Variants in SCARB2 observed in about 807,000 individuals in gnomAD.
SCARB2 encodes the protein lysosome membrane protein 2.
In SCARB2, 29 loss-of-function variants were observed where a neutral mutation model predicts 58.6. That is an observed-to-expected ratio of 0.49 (90% CI 0.37 to 0.67). The LOEUF (loss-of-function observed/expected upper bound fraction) is 0.67. SCARB2 is among the 30% of genes least tolerant of loss of function. The pLI is 0.00. For missense variants in SCARB2, 488 were observed against 578.5 expected (o/e 0.84, Z 1.60); for synonymous variants, 195 against 210.1 (o/e 0.93, Z 0.62).
intron 1 of SCARB2, among the ~76,000 whole-genome samples, chr4:76,225,817 A>G (rs1302022306): frequency 6.6e-6 from 1 of 152,044 alleles, no homozygotes; most frequent in Non-Finnish European, 1.5e-5. Flanking sequence ...TTTTGTTTCC[A>G]TGTTCATCAG....
intron 4 of SCARB2, among the ~76,000 whole-genome samples, chr4:76,178,602 A>G (rs192907480): frequency 2.5e-3 from 383 of 152,284 alleles, no homozygotes; most frequent in African/African-American, 8.4e-3. Context: ...AGGGCTTGAC[A>G]GGAAATCTGT....
intron 1 of SCARB2, among the ~76,000 whole-genome samples, chr4:76,225,190 C>T (rs1316994969): frequency 6.6e-6 from 1 of 152,172 alleles, no homozygotes; most frequent in Admixed American, 6.5e-5. Context: ...CACTCGCACT[C>T]GTTGGCACTT....
intron 3 of SCARB2, 70 bp from the exon 4 acceptor site, chr4:76,179,775 C>T: frequency 2.6e-6 from 3 of 1,161,948 alleles, no homozygotes; most frequent in Non-Finnish European, 3.9e-6. Context: ...TCTCCTACTA[C>T]CCCATAGCAA....
chr4:76,178,476 T>C (rs1353830527), intron 4 of SCARB2, among the ~76,000 whole-genome samples: 1 of 152,218 alleles, frequency 6.6e-6, no homozygotes, highest in East Asian at 1.9e-4. Context: ...AGCAACAAGA[T>C]CTACTTGGCT....
At chr4:76,227,754 C>A (rs1475436757) in intron 1 of SCARB2, among the ~76,000 whole-genome samples, 1 of 152,190 alleles carries the variant, frequency 6.6e-6, no homozygotes. Flanking sequence ...TCCTGTTGGA[C>A]TGATCCTCTT....
At position 76,211,526 on chromosome 4, in the gene SCARB2, A is replaced by G. The variant is rs368732140; in HGVS notation, c.117+1901T>C. Among the ~76,000 whole-genome samples, 17 of 152,376 alleles carry G rather than the reference A, an allele frequency of 1.1e-4. 1 individual carries two copies. Among genetic ancestry groups the G allele is most frequent in the African/African-American group, 4.1e-4 (17 of 41,596 alleles). ...CCCAGAAAGATCACACCTTAAGGTT[A>G]TAAGAATTATTTGACAAAGCAGATG... On this transcript the variant is annotated intron_variant, in intron 1 of 11. Coordinates refer to ENST00000264896, the MANE Select transcript of SCARB2 (RefSeq NM_005506.4).
chr4:76,167,684 CT>C (rs60843260), intron 9 of SCARB2, among the ~76,000 whole-genome samples: 85 of 91,306 alleles, frequency 9.3e-4, no homozygotes, highest in African/African-American at 2.6e-3. Context: ...CCCCCCCCCG[CT>C]TTTTTTTTTT....
intron 2 of SCARB2, among the ~76,000 whole-genome samples, chr4:76,188,992 G>A (rs1732544882): frequency 6.6e-6 from 1 of 152,144 alleles, no homozygotes. Context: ...CGGCTATTAG[G>A]TGGGTGCAAA....
At chr4:76,233,764 C>CA (rs1373298274) in intron 1 of SCARB2, among the ~76,000 whole-genome samples, 2 of 152,144 alleles carry the variant, frequency 1.3e-5, no homozygotes, top group Admixed American at 1.3e-4. Context: ...AAAGCCCTAT[C>CA]AAGCAGTTAC....
At chr4:76,208,739 C>G (rs966943248) in intron 1 of SCARB2, among the ~76,000 whole-genome samples, 2 of 151,776 alleles carry the variant, frequency 1.3e-5, no homozygotes, top group African/African-American at 4.8e-5. Context: ...TTTACAGAAA[C>G]AAAAAAAAGA....
chr4:76,169,341 C>CACACACACACACACACACATAT (rs3217498), intron 8 of SCARB2, among the ~76,000 whole-genome samples: 102 of 151,238 alleles, frequency 6.7e-4, no homozygotes, highest in African/African-American at 2.3e-3. Context: ...CACACACACA[C>CACACACACACACACACACATAT]GTGTGTATGT....
At chr4:76,167,705 C>T (rs139557635) in intron 9 of SCARB2, among the ~76,000 whole-genome samples, 2,464 of 109,332 alleles carry the variant, frequency 0.023, 106 homozygotes, top group African/African-American at 0.083. Flanking sequence ...TTTCCTGAGA[C>T]ACAGTCTTGC....
Position 76,169,953 on chromosome 4 carries a change from A to C in SCARB2, c.1027T>G (p.Tyr343Asp). The C allele has an allele frequency of 1.9e-6, 3 of 1,614,032 alleles. No individual in the cohort carries two copies. Among genetic ancestry groups the C allele is most frequent in the Non-Finnish European group, 1.7e-6 (2 of 1,179,946 alleles). Residue 343 changes from tyrosine to aspartate, a missense_variant, in exon 8 of 12, where the codon TAC (tyrosine) becomes GAC (aspartate). Transcript: ENST00000264896. ...GAAACAAACCTCTCATCTGCTTGGT[A>C]AAAGTGTGGGAAAGACATAATGATG... ...APIIMSFPHF[Y>D]QADERFVSAI... is the part of the protein sequence containing the mutation.
chr4:76,181,862 G>A (rs565110719), intron 2 of SCARB2, among the ~76,000 whole-genome samples: 5 of 152,012 alleles, frequency 3.3e-5, no homozygotes, highest in East Asian at 3.9e-4. Context: ...TACCACACCC[G>A]GTCTCTGTTT....
chr4:76,186,050 G>C (rs547613368), intron 2 of SCARB2, among the ~76,000 whole-genome samples: 2 of 152,214 alleles, frequency 1.3e-5, no homozygotes, highest in Non-Finnish European at 2.9e-5. Flanking sequence ...TCTTGAGATG[G>C]TGTGACATTA....
chr4:76,179,249 T>G (rs558674465), intron 4 of SCARB2: 302 of 438,616 alleles, frequency 6.9e-4, no homozygotes, highest in Admixed American at 2.8e-3. Context: ...AGATAGAGTT[T>G]TGCCATGTTG....
rs761192163 is a variant in SCARB2, at chr4:76,159,171, CCTCT to C, written c.*2538_*2541del. ...GTTAAGCTCTCTGTCTTGGTTTCTTCCTCTCTAAGTTGAGGATCATGGTACCAGA... is the reference window on the plus strand; with the variant it reads ...GTTAAGCTCTCTGTCTTGGTTTCTTCCTAAGTTGAGGATCATGGTACCAGA... On this transcript the variant is annotated 3_prime_UTR_variant, in exon 12 of 12. Transcript: ENST00000264896. 7 of 152,202 alleles carry C rather than the reference CCTCT, an allele frequency of 4.6e-5. No homozygotes were observed. The highest frequency in any genetic ancestry group is 1.4e-4 in the African/African-American group (6 of 41,436). The allele number at this position is 152,202 out of a possible 1,614,324, so 9.4% of individuals were successfully genotyped here.
chr4:76,227,869 AT>A (rs1482126143), intron 1 of SCARB2, among the ~76,000 whole-genome samples: 1 of 152,066 alleles, frequency 6.6e-6, no homozygotes, highest in African/African-American at 2.4e-5. Flanking sequence ...TTTGGTGTTC[AT>A]TTGCCTAGAA....
intron 1 of SCARB2, among the ~76,000 whole-genome samples, chr4:76,227,067 G>C (rs111950458): frequency 6.6e-6 from 1 of 151,884 alleles, no homozygotes; most frequent in African/African-American, 2.4e-5. Context: ...CTTCTGCTGG[G>C]TTTGGGTTTG....
Sources: gnomAD v4.1 joint callset for allele counts (sites outside exome capture counted in the v4.1 genomes callset) on GRCh38, gnomAD v4.1.1 for gene constraint, MANE v1.5 for transcripts, NCBI Gene and HGNC (gene_info 2026-07-23, HGNC 2026-07-21) for gene names.